Variants in CD38 observed in about 807,000 individuals in gnomAD.
The protein encoded by CD38 is CD38 molecule, also known as ADP-ribosyl cyclase/cyclic ADP-ribose hydrolase 1.
In CD38, 31 loss-of-function variants were observed where a neutral mutation model predicts 36.3. The observed-to-expected ratio is 0.85, with a 90% confidence interval of 0.64 to 1.15. The LOEUF is 1.15. CD38 is among the 50% of genes most tolerant of loss of function. The probability of loss-of-function intolerance (pLI) is 0.00; values close to 1 mark genes in which losing one functional copy is unlikely to be tolerated. For synonymous variants in CD38, 131 were observed against 135.2 expected (o/e 0.97, Z 0.22); for missense variants, 380 against 371.9 (o/e 1.02, Z -0.18).
intron 4 of CD38, among the ~76,000 whole-genome samples, chr4:15,835,268 T>G (rs72616187): frequency 0.059 from 8,915 of 151,880 alleles, 355 homozygotes; most frequent in East Asian, 0.18. Flanking sequence ...CATATATGAG[T>G]GAGAGTATGT....
intron 1 of CD38, among the ~76,000 whole-genome samples, chr4:15,801,415 A>G (rs146557703): frequency 6.6e-6 from 1 of 152,246 alleles, no homozygotes; most frequent in East Asian, 1.9e-4. Flanking sequence ...AATTGAAGGG[A>G]AGAGAATTCT....
intron 1 of CD38, among the ~76,000 whole-genome samples, chr4:15,798,600 T>C (rs1258398113): frequency 6.6e-6 from 1 of 152,170 alleles, no homozygotes; most frequent in Non-Finnish European, 1.5e-5. Flanking sequence ...GAAAGAAGGG[T>C]AAAAGAAATC....
intron 2 of CD38, 53 bp downstream of exon 2, chr4:15,816,693 A>G (rs1219344355): frequency 6.3e-7 from 1 of 1,591,174 alleles, no homozygotes; most frequent in Admixed American, 1.7e-5. Flanking sequence ...GCCAATGGTA[A>G]CAATTCATAG....
chr4:15,840,121 A>G lies in CD38; in HGVS notation c.752+3A>G, dbSNP rs750509430. 11 of 1,581,300 alleles carry G rather than the reference A, an allele frequency of 7.0e-6. No individual in the cohort carries two copies. Among genetic ancestry groups the G allele is most frequent in the Non-Finnish European group, 8.7e-6 (10 of 1,150,024 alleles). ...CATGGTGGAAGAGAAGATTCCAGGTATATCTTACTACTTTGTACCCAAGTG... is the reference window on the plus strand; with the variant it reads ...CATGGTGGAAGAGAAGATTCCAGGTGTATCTTACTACTTTGTACCCAAGTG... On this transcript the variant is annotated splice_donor_region_variant and intron_variant, in intron 6 of 7. Coordinates refer to ENST00000226279, the MANE Select transcript of CD38 (RefSeq NM_001775.4).
rs781108016 is a variant in CD38 at position 15,824,985 on chromosome 4, C to A, written c.468C>A (p.Asp156Glu). 3.7e-6 allele frequency: 6 copies of A among 1,613,596 alleles called. 1 individual carries two copies. The South Asian group carries it at 6.6e-5, about 18-fold the overall frequency. The change falls in exon 3 of 8, where the codon GAC becomes GAA. Residue 156 changes from aspartate (D) to glutamate (E), a missense_variant. Physicochemically the swap from Asp to Glu is conservative, Grantham distance 45. Coordinates refer to ENST00000226279, the MANE Select transcript of CD38 (RefSeq NM_001775.4). ...CGCTGCTAGGCTACCTTGCTGATGA[C>A]CTCACATGGTGTGGTGAATTCAACA... Reference protein sequence around the residue: ...EDTLLGYLADDLTWCGEFNTS... With the variant: ...EDTLLGYLADELTWCGEFNTS...
chr4:15,834,471 C>T (rs1031326535), intron 4 of CD38, among the ~76,000 whole-genome samples, 169 bp downstream of exon 4: 2 of 152,188 alleles, frequency 1.3e-5, no homozygotes, highest in Non-Finnish European at 2.9e-5. Flanking sequence ...AAAATTTACA[C>T]ATCCAATTTT....
chr4:15,835,820 A>G (rs1724057960), intron 4 of CD38, among the ~76,000 whole-genome samples: 1 of 152,160 alleles, frequency 6.6e-6, no homozygotes, highest in South Asian at 2.1e-4. Flanking sequence ...CCAGGAATAC[A>G]TTTTTTAATT....
intron 1 of CD38, among the ~76,000 whole-genome samples, chr4:15,787,747 G>T (rs532359550): frequency 3.3e-5 from 5 of 152,204 alleles, no homozygotes; most frequent in Admixed American, 2.6e-4. Flanking sequence ...ACACAGGTAC[G>T]CAGTGAAAGA....
chr4:15,791,473 A>G (rs1230567426), intron 1 of CD38, among the ~76,000 whole-genome samples: 2 of 29,026 alleles, frequency 6.9e-5, no homozygotes, highest in Non-Finnish European at 1.1e-4. Flanking sequence ...TCCGGGAGGG[A>G]GGTGGGGGGG....
intron 1 of CD38, among the ~76,000 whole-genome samples, chr4:15,786,746 C>T (rs1228071772): frequency 6.6e-6 from 1 of 152,250 alleles, no homozygotes; most frequent in Non-Finnish European, 1.5e-5. Flanking sequence ...CTCCTCAGCC[C>T]TTGGACGGTG....
chr4:15,798,985 C>T lies in CD38; in HGVS notation c.234-17526C>T, dbSNP rs556664903. Among the ~76,000 whole-genome samples the T allele has an allele frequency of 1.9e-4, 29 of 152,250 alleles. 1 individual carries two copies. Among genetic ancestry groups the T allele is most frequent in the Middle Eastern group, 6.8e-3 (2 of 294 alleles). The stretch of plus-strand genomic sequence containing the variant: ...TCCCAGTCTATGGCTTAACTCTTGA[C>T]ACTATATTTATCACGTCCCTTATTT... On this transcript the variant is annotated intron_variant, in intron 1 of 7. Transcript: ENST00000226279.
intron 1 of CD38, among the ~76,000 whole-genome samples, chr4:15,785,238 G>A (rs923202158): frequency 1.3e-5 from 2 of 152,120 alleles, no homozygotes; most frequent in Non-Finnish European, 1.5e-5. Flanking sequence ...GCTAATTCTG[G>A]GAGCTTGGGG....
At chr4:15,824,682 A>C (rs1242351296) in intron 2 of CD38, among the ~76,000 whole-genome samples, 199 bp from the exon 3 acceptor site, 1 of 58,186 alleles carries the variant, frequency 1.7e-5, no homozygotes, top group Admixed American at 1.4e-4. Flanking sequence ...GTGACCTAGA[A>C]CACACACACA....
At chr4:15,807,350 T>A (rs1723364018) in intron 1 of CD38, among the ~76,000 whole-genome samples, 1 of 152,224 alleles carries the variant, frequency 6.6e-6, no homozygotes. Context: ...GTCACTCCTA[T>A]CAGCTATGAT....
chr4:15,795,714 G>A (rs888539518), intron 1 of CD38, among the ~76,000 whole-genome samples: 3 of 151,998 alleles, frequency 2.0e-5, no homozygotes, highest in African/African-American at 4.8e-5. Context: ...TCTATTATAC[G>A]ATGTTTTAAA....
intron 1 of CD38, among the ~76,000 whole-genome samples, chr4:15,787,608 A>T (rs1722866702): frequency 6.6e-6 from 1 of 152,162 alleles, no homozygotes; most frequent in African/African-American, 2.4e-5. Flanking sequence ...AGGAATGATT[A>T]CGAATCTTTG....
intron 3 of CD38, among the ~76,000 whole-genome samples, chr4:15,826,263 C>T (rs1159124467): frequency 9.9e-5 from 15 of 152,072 alleles, no homozygotes; most frequent in Admixed American, 9.2e-4. Context: ...TAGACTTTTC[C>T]TATGCTAATG....
At chr4:15,804,417 T>A (rs1315455886) in intron 1 of CD38, among the ~76,000 whole-genome samples, 1 of 152,200 alleles carries the variant, frequency 6.6e-6, no homozygotes, top group Non-Finnish European at 1.5e-5. Flanking sequence ...GTAATCTCGC[T>A]ACTGGACCTA....
intron 3 of CD38, among the ~76,000 whole-genome samples, chr4:15,830,939 G>A (rs1412953901): frequency 6.6e-6 from 1 of 151,822 alleles, no homozygotes; most frequent in Non-Finnish European, 1.5e-5. Context: ...TTTGTTTTGT[G>A]GTCTTCTCTT....
Sources: gnomAD v4.1 joint callset for allele counts (sites outside exome capture counted in the v4.1 genomes callset) on GRCh38, gnomAD v4.1.1 for gene constraint, MANE v1.5 for transcripts, NCBI Gene and HGNC (gene_info 2026-07-23, HGNC 2026-07-21) for gene names.